The following CRB1 variants were observed in gnomAD, a reference collection of about 807,000 sequenced individuals.
CRB1 encodes the protein crumbs cell polarity complex component 1, also known as protein crumbs homolog 1.
In CRB1, 83 loss-of-function variants were observed where a neutral mutation model predicts 120.0. That is an observed-to-expected ratio of 0.69 (90% CI 0.58 to 0.83). The LOEUF (loss-of-function observed/expected upper bound fraction) is 0.83, where lower values mean the gene tolerates loss of function less well. CRB1 is among the 40% of genes least tolerant of loss of function. The probability of loss-of-function intolerance (pLI) is 0.00; values close to 1 mark genes in which losing one functional copy is unlikely to be tolerated. For synonymous variants in CRB1, 625 were observed against 612.5 expected (o/e 1.02, Z -0.30); for missense variants, 1,699 against 1,687.6 (o/e 1.01, Z -0.12).
chr1:197,232,135 C>A, the CRB1 span, among the ~76,000 whole-genome samples: 1 of 152,082 alleles, frequency 6.6e-6, no homozygotes, highest in East Asian at 1.9e-4. Context: ...GGAATGCAGG[C>A]AGCCTGCAGA....
intron 1 of CRB1, among the ~76,000 whole-genome samples, chr1:197,300,761 T>A (rs1328606390): frequency 6.6e-6 from 1 of 152,202 alleles, no homozygotes; most frequent in Non-Finnish European, 1.5e-5. Flanking sequence ...TCTAGGACTT[T>A]CATAGCTAGA....
the CRB1 span, among the ~76,000 whole-genome samples, chr1:197,245,721 G>A: frequency 1.3e-5 from 2 of 151,984 alleles, no homozygotes; most frequent in Non-Finnish European, 2.9e-5. Context: ...TAAGCTTTCT[G>A]TACTAGCTGA....
chr1:197,270,477 C>G (rs1405902276), intron 1 of CRB1, among the ~76,000 whole-genome samples: 3 of 152,028 alleles, frequency 2.0e-5, no homozygotes, highest in Non-Finnish European at 4.4e-5. Flanking sequence ...ATACAGGTAA[C>G]CAGAAGCTCT....
At chr1:197,277,230 A>G (rs771643932) in intron 1 of CRB1, among the ~76,000 whole-genome samples, 6 of 152,014 alleles carry the variant, frequency 3.9e-5, no homozygotes, top group African/African-American at 7.2e-5. Flanking sequence ...CAAAGCAGGA[A>G]TGGCTGATAT....
intron 5 of CRB1, among the ~76,000 whole-genome samples, chr1:197,381,223 A>C (rs1233847829): frequency 6.6e-6 from 1 of 152,170 alleles, no homozygotes; most frequent in Non-Finnish European, 1.5e-5. Context: ...TTAATATTTT[A>C]GCCTGTTCAG....
At chr1:197,437,653 T>C (rs1208129101) in intron 9 of CRB1, among the ~76,000 whole-genome samples, 8 of 152,174 alleles carry the variant, frequency 5.3e-5, no homozygotes, top group Non-Finnish European at 1.2e-4. Context: ...GATATCCTTC[T>C]TTTTAAAGTA....
intron 4 of CRB1, among the ~76,000 whole-genome samples, chr1:197,355,907 G>A (rs574953876): frequency 1.5e-4 from 23 of 152,356 alleles, no homozygotes; most frequent in Middle Eastern, 3.4e-3. Context: ...CCCAGGAGGC[G>A]CCCAGAGCGA....
intron 11 of CRB1, among the ~76,000 whole-genome samples, chr1:197,457,237 C>T (rs1383689605): frequency 2.0e-5 from 3 of 151,978 alleles, no homozygotes; most frequent in Non-Finnish European, 4.4e-5. Context: ...CTAATAGTGG[C>T]TAATATTTGT....
At chr1:197,413,045 AG>A (rs1663792203) in intron 5 of CRB1, among the ~76,000 whole-genome samples, 1 of 152,162 alleles carries the variant, frequency 6.6e-6, no homozygotes, top group Non-Finnish European at 1.5e-5. Flanking sequence ...CTAAGAGACA[AG>A]GTCTCAACCT....
Position 197,427,602 on chromosome 1 carries a change from T to C in CRB1, c.2277T>C (p.Thr759=), listed in dbSNP as rs2125484014. The part of the protein sequence containing the change: ...SGLLLALENS[T]YQYIRVWLER... ...TACTTCTAGCTTTGGAAAACAGCACTTATCAATATATCCGTGTCTGGCTAG... is the reference window on the plus strand; with the variant it reads ...TACTTCTAGCTTTGGAAAACAGCACCTATCAATATATCCGTGTCTGGCTAG... Residue 759 remains threonine, a synonymous_variant, in exon 7 of 12, where the codon ACT becomes ACC. Coordinates refer to ENST00000367400, the MANE Select transcript of CRB1 (RefSeq NM_201253.3). 5.0e-6 allele frequency: 8 copies of C among 1,614,000 alleles called. No homozygotes were observed. Among genetic ancestry groups the C allele is most frequent in the Non-Finnish European group, 6.8e-6 (8 of 1,179,994 alleles).
At chr1:197,392,862 A>T (rs1024033207) in intron 5 of CRB1, among the ~76,000 whole-genome samples, 25 of 152,076 alleles carry the variant, frequency 1.6e-4, no homozygotes, top group African/African-American at 6.0e-4. Context: ...AAGAGTTGGG[A>T]ATTTCATTTT....
chr1:197,241,787 A>G, the CRB1 span, among the ~76,000 whole-genome samples: 1 of 151,478 alleles, frequency 6.6e-6, no homozygotes, highest in Non-Finnish European at 1.5e-5. Context: ...TTTGGACAGT[A>G]TGGCCATTTT....
chr1:197,210,080 G>GTTAGT, the CRB1 span, among the ~76,000 whole-genome samples: 1 of 152,216 alleles, frequency 6.6e-6, no homozygotes, highest in Non-Finnish European at 1.5e-5. Context: ...GGAGCTGCAA[G>GTTAGT]TTAGTCCTGC....
chr1:197,344,893 C>T (rs920477408), intron 3 of CRB1, among the ~76,000 whole-genome samples: 1 of 152,094 alleles, frequency 6.6e-6, no homozygotes, highest in Non-Finnish European at 1.5e-5. Context: ...TTGGAAAAGG[C>T]AGTGATATTT....
chr1:197,405,322 C>T (rs1663298481), intron 5 of CRB1, among the ~76,000 whole-genome samples: 1 of 152,152 alleles, frequency 6.6e-6, no homozygotes, highest in Admixed American at 6.5e-5. Flanking sequence ...GAGTGATCCG[C>T]CAGCCTCGGC....
intron 1 of CRB1, among the ~76,000 whole-genome samples, chr1:197,277,257 G>A (rs775042525): frequency 2.6e-5 from 4 of 151,858 alleles, no homozygotes; most frequent in Admixed American, 1.3e-4. Context: ...TAGATTAACC[G>A]CATTGTGTAG....
chr1:197,253,908 A>G, the CRB1 span, among the ~76,000 whole-genome samples: 3 of 152,054 alleles, frequency 2.0e-5, no homozygotes, highest in African/African-American at 7.2e-5. Flanking sequence ...TAGATCTGAT[A>G]TTTTGAGAGG....
chr1:197,343,450 A>C (rs1482650831), intron 2 of CRB1, among the ~76,000 whole-genome samples: 1 of 152,168 alleles, frequency 6.6e-6, no homozygotes, highest in Non-Finnish European at 1.5e-5. Context: ...TTAGCAAATA[A>C]TACCTACTAA....
chr1:197,225,152 C>A, the CRB1 span, among the ~76,000 whole-genome samples: 1 of 151,574 alleles, frequency 6.6e-6, no homozygotes, highest in African/African-American at 2.4e-5. Flanking sequence ...CAAGTCCATA[C>A]AATTAATACC....
Sources: allele counts gnomAD v4.1 joint callset (sites outside exome capture counted in the v4.1 genomes callset), GRCh38; gene constraint gnomAD v4.1.1; transcripts MANE v1.5; gene names NCBI Gene and HGNC (gene_info 2026-07-23, HGNC 2026-07-21).